POU6F2: variants seen among roughly 807,000 people sequenced by gnomAD.
POU6F2 encodes the protein POU class 6 homeobox 2.
A neutral mutation model predicts 71.3 loss-of-function variants in POU6F2; 31 were observed. The observed-to-expected ratio is 0.43, with a 90% CI of 0.33 to 0.59. The LOEUF (loss-of-function observed/expected upper bound fraction) is 0.59. POU6F2 is among the 20% of genes least tolerant of loss of function. The pLI, the probability that POU6F2 is intolerant of heterozygous loss-of-function variation, is 0.04. For synonymous variants in POU6F2, 347 were observed against 355.7 expected (o/e 0.98, Z 0.27); for missense variants, 783 against 856.8 (o/e 0.91, Z 1.07).
intron 1 of POU6F2, among the ~76,000 whole-genome samples, chr7:39,016,000 A>AT (rs1554308200): frequency 1.8e-5 from 1 of 56,700 alleles, no homozygotes; most frequent in Non-Finnish European, 3.1e-5. Flanking sequence ...TAATATATAG[A>AT]TATATATTAT....
intron 1 of POU6F2, among the ~76,000 whole-genome samples, chr7:39,067,754 C>T (rs1487908330): frequency 6.6e-6 from 1 of 151,996 alleles, no homozygotes; most frequent in Admixed American, 6.6e-5. Context: ...CTTAGACCCC[C>T]AGTGGAAAGA....
chr7:39,464,975 C>G lies in POU6F2; in HGVS notation c.*289C>G. 5.7e-6 allele frequency: 2 copies of G among 348,310 alleles called. No homozygotes were observed. Among genetic ancestry groups the G allele is most frequent in the Non-Finnish European group, 5.2e-6 (1 of 193,512 alleles). 21.6% of individuals were successfully genotyped at this position (348,310 alleles called of 1,614,324 possible). On this transcript the variant is annotated 3_prime_UTR_variant, in exon 10 of 10. Transcript: ENST00000518318. The surrounding 1 kb of genome is among the most constrained non-coding windows in gnomAD (Gnocchi z 4.1). ...ATAGTTCCCTTCCCCCACCTGTCTC[C>G]CCCAAAGCCAGTTTTTTAATGGACT...
intron 4 of POU6F2, among the ~76,000 whole-genome samples, chr7:39,209,054 T>TA (rs1019828220): frequency 2.0e-5 from 3 of 151,270 alleles, no homozygotes; most frequent in African/African-American, 7.3e-5. Flanking sequence ...AATCAGAGTT[T>TA]AAAAAAAAAG....
At chr7:39,023,436 C>T (rs1409467883) in intron 1 of POU6F2, among the ~76,000 whole-genome samples, 3 of 152,016 alleles carry the variant, frequency 2.0e-5, no homozygotes, top group African/African-American at 4.8e-5. Context: ...AATGTCGCAA[C>T]GTCTAGAGAC....
intron 4 of POU6F2, among the ~76,000 whole-genome samples, chr7:39,338,260 T>C (rs908453848): frequency 6.6e-6 from 1 of 152,142 alleles, no homozygotes; most frequent in African/African-American, 2.4e-5. Context: ...GGCTCCCACA[T>C]CTTTGATAAA....
intron 5 of POU6F2, among the ~76,000 whole-genome samples, chr7:39,360,990 G>C (rs2876835): frequency 0.56 from 85,226 of 151,958 alleles, 24,159 homozygotes; most frequent in East Asian, 0.75. Context: ...CATCCTATGA[G>C]TTAGAATGTC....
intron 4 of POU6F2, among the ~76,000 whole-genome samples, chr7:39,258,066 G>A (rs538725224): frequency 3.3e-5 from 5 of 152,264 alleles, no homozygotes; most frequent in Non-Finnish European, 7.3e-5. Context: ...GGAGAAGAAT[G>A]TGCTATAAAT....
At chr7:39,164,431 C>G (rs1277473500) in intron 2 of POU6F2, among the ~76,000 whole-genome samples, 2 of 126,926 alleles carry the variant, frequency 1.6e-5, no homozygotes, top group Non-Finnish European at 3.4e-5. Context: ...TCCCAGAGTT[C>G]CACCTACTCT....
rs1034083028 is a variant in POU6F2, at chr7:39,141,641, G to A, written c.277+55610G>A. On this transcript the variant is annotated intron_variant, in intron 2 of 9. Transcript: ENST00000518318. ...TATATATCTTAATACTGCTAGGAAG[G>A]ATGAAATATCATGGTCTTAAATTTC... Among the ~76,000 whole-genome samples the A allele has an allele frequency of 2.0e-5, 3 of 152,144 alleles. No homozygotes were observed. In the East Asian group the frequency reaches 5.8e-4, roughly 29 times the overall value.
intron 4 of POU6F2, among the ~76,000 whole-genome samples, chr7:39,248,077 C>G (rs1390375161): frequency 6.6e-6 from 1 of 151,886 alleles, no homozygotes; most frequent in Non-Finnish European, 1.5e-5. Context: ...TGGTAGACTT[C>G]CCAGTAACTG....
At chr7:39,461,245 G>T (rs1583622776) in intron 9 of POU6F2, among the ~76,000 whole-genome samples, 1 of 152,134 alleles carries the variant, frequency 6.6e-6, no homozygotes, top group South Asian at 2.1e-4. Context: ...AAAAATAAAA[G>T]AAAAGAAGCG....
intron 5 of POU6F2, among the ~76,000 whole-genome samples, chr7:39,372,036 C>T (rs1366883433): frequency 6.6e-6 from 1 of 152,180 alleles, no homozygotes; most frequent in Non-Finnish European, 1.5e-5. Flanking sequence ...CTGCTTCAGC[C>T]TCCCTCCCAA....
In POU6F2 at chr7:39,105,778, A is replaced by G. The variant is rs562866663; in HGVS notation, c.277+19747A>G. ...TATTAACAGAAAAAGTCATGAACTT[A>G]GTACTGAATTCTTTTCACTATTCTA... On this transcript the variant is annotated intron_variant, in intron 2 of 9. Coordinates refer to ENST00000518318, the MANE Select transcript of POU6F2 (RefSeq NM_001370959.1). 1.1e-4 allele frequency among the ~76,000 whole-genome samples: 16 copies of G among 152,358 alleles called. 1 individual carries two copies. The South Asian group carries it at 3.3e-3, about 32-fold the overall frequency.
intron 1 of POU6F2, among the ~76,000 whole-genome samples, chr7:39,061,181 A>G (rs1790648754): frequency 6.6e-6 from 1 of 152,116 alleles, no homozygotes; most frequent in African/African-American, 2.4e-5. Context: ...GTAAAATAGA[A>G]TGACATTTTA....
chr7:39,300,339 G>A (rs549597794), intron 4 of POU6F2, among the ~76,000 whole-genome samples: 1 of 152,306 alleles, frequency 6.6e-6, no homozygotes, highest in Admixed American at 6.5e-5. Flanking sequence ...CGAAGACCAG[G>A]AAGGGAGGGA....
At chr7:39,152,031 G>A (rs1792770664) in intron 2 of POU6F2, among the ~76,000 whole-genome samples, 1 of 152,160 alleles carries the variant, frequency 6.6e-6, no homozygotes, top group East Asian at 1.9e-4. Context: ...TGATCTGCAG[G>A]CCAAGGACAT....
intron 4 of POU6F2, among the ~76,000 whole-genome samples, chr7:39,266,628 T>C (rs1784247609): frequency 6.6e-6 from 1 of 150,378 alleles, no homozygotes; most frequent in South Asian, 2.1e-4. Flanking sequence ...CCTCCTGGGC[T>C]CCAGCGATCC....
chr7:39,108,169 T>G (rs1379809437), intron 2 of POU6F2, among the ~76,000 whole-genome samples: 1 of 152,186 alleles, frequency 6.6e-6, no homozygotes, highest in Non-Finnish European at 1.5e-5. Context: ...CATCTGGTTA[T>G]GCTGATAATC....
chr7:39,056,662 C>CTCTCTGTGTGTG (rs1554313685), intron 1 of POU6F2, among the ~76,000 whole-genome samples: 2 of 113,330 alleles, frequency 1.8e-5, no homozygotes, highest in Non-Finnish European at 3.5e-5. Context: ...CTCTCTCTCT[C>CTCTCTGTGTGTG]TGTGTGTGTG....
Sources: gnomAD v4.1 joint callset for allele counts (sites outside exome capture counted in the v4.1 genomes callset) on GRCh38, gnomAD v4.1.1 for gene constraint, Gnocchi (gnomAD v3.1) non-coding constraint, MANE v1.5 for transcripts, NCBI Gene and HGNC (gene_info 2026-07-23, HGNC 2026-07-21) for gene names.